NPY2R: variants seen among roughly 807,000 people sequenced by gnomAD.
The protein encoded by NPY2R is neuropeptide Y receptor Y2.
NPY2R carries 17 observed loss-of-function variants against 22.3 expected under a neutral mutation model. The ratio of observed to expected loss-of-function variants is 0.76; its 90% CI spans 0.52 to 1.14. The LOEUF (loss-of-function observed/expected upper bound fraction) is 1.14. Among genes scored for constraint, NPY2R ranks in the 50% most tolerant of loss-of-function variants. The pLI, the probability that NPY2R is intolerant of heterozygous loss-of-function variation, is 0.00. For synonymous variants in NPY2R, 209 were observed against 183.4 expected (o/e 1.14, Z -1.13); for missense variants, 424 against 467.9 (o/e 0.91, Z 0.87).
Position 155,214,082 on chromosome 4 carries a change from AG to A in NPY2R, c.145del (p.Val49TyrfsTer17). On this transcript the variant is annotated frameshift_variant, in exon 2 of 2. Coordinates refer to ENST00000329476, the MANE Select transcript of NPY2R (RefSeq NM_000910.4). LOFTEE classifies it high-confidence loss of function. ...CTTATAGATAGTACCAAGCTGATTG[AG>A]GTACAAGTTGTTCTCATATTGGCCT... Reference protein sequence around the residue: ...PELIDSTKLIEVQVVLILAYC... With the variant: ...PELIDSTKLIXVQVVLILAYC... The A allele has an allele frequency of 1.2e-6, 2 of 1,613,996 alleles. No individual in the cohort carries two copies. Among genetic ancestry groups the A allele is most frequent in the Non-Finnish European group, 1.7e-6 (2 of 1,179,870 alleles).
At chr4:155,198,570 GAT>G in the NPY2R span, among the ~76,000 whole-genome samples, 1 of 144,804 alleles carries the variant, frequency 6.9e-6, no homozygotes, top group East Asian at 2.0e-4. Flanking sequence ...TAATATATTT[GAT>G]ATATATAATA....
the NPY2R span, among the ~76,000 whole-genome samples, chr4:155,175,514 C>T: frequency 6.6e-6 from 1 of 151,884 alleles, no homozygotes; most frequent in Non-Finnish European, 1.5e-5. Context: ...CTTGGTGTTG[C>T]TAAGAAAATG....
At chr4:155,195,452 A>G in the NPY2R span, among the ~76,000 whole-genome samples, 1 of 152,004 alleles carries the variant, frequency 6.6e-6, no homozygotes, top group Non-Finnish European at 1.5e-5. Context: ...CAGGAACACC[A>G]GACAATTTTG....
In NPY2R at chr4:155,214,955, C is replaced by A; in HGVS notation, c.1016C>A (p.Ala339Asp). Residue 339 changes from alanine to aspartate, a missense_variant, in exon 2 of 2, where the codon GCC becomes GAC. Coordinates refer to ENST00000329476, the MANE Select transcript of NPY2R (RefSeq NM_000910.4). Reference protein sequence around the residue: ...NSNYRKAFLSAFRCEQRLDAI... With the variant: ...NSNYRKAFLSDFRCEQRLDAI... ...AACTACAGAAAGGCTTTCCTCTCGG[C>A]CTTCCGCTGTGAGCAGCGGTTGGAT... is the stretch of plus-strand genomic sequence containing the variant. The A allele has an allele frequency of 1.1e-5, 17 of 1,614,228 alleles. No homozygotes were observed. The highest frequency in any genetic ancestry group is 1.4e-5 in the Non-Finnish European group (16 of 1,180,036).
At position 155,216,580 on chromosome 4, in the gene NPY2R, T is replaced by G. The variant is rs1729521555; in HGVS notation, c.*1495T>G. The G allele has an allele frequency of 6.0e-6, 1 of 166,820 alleles. No homozygotes were observed. 10.3% of individuals were successfully genotyped at this position (166,820 alleles called of 1,614,324 possible). A position where few individuals can be genotyped will look rare whatever the true frequency, so the allele number is the denominator to read the frequency against. On this transcript the variant is annotated 3_prime_UTR_variant, in exon 2 of 2. Transcript: ENST00000329476. ...CATTAATTTTATGAACTGGAGAGCT[T>G]TACTTTGTGGATATATTTAAAATTC...
chr4:155,176,820 A>G, the NPY2R span, among the ~76,000 whole-genome samples: 1 of 152,120 alleles, frequency 6.6e-6, no homozygotes, highest in Admixed American at 6.6e-5. Context: ...TGTCCCTTCC[A>G]AAATGGTGCC....
upstream of NPY2R, among the ~76,000 whole-genome samples, chr4:155,203,710 T>C (rs867577018): frequency 6.6e-6 from 1 of 152,206 alleles, no homozygotes; most frequent in Non-Finnish European, 1.5e-5. Flanking sequence ...AAGGCAATTA[T>C]TGAAACTTTA....
Position 155,215,436 on chromosome 4 carries a change from A to G in NPY2R, c.*351A>G. 2.6e-6 allele frequency: 1 copy of G among 382,882 alleles called. No homozygotes were observed. Among genetic ancestry groups the G allele is most frequent in the Non-Finnish European group, 5.2e-6 (1 of 192,148 alleles). The allele number at this position is 382,882 out of a possible 1,614,324, so 23.7% of individuals were successfully genotyped here. A position where few individuals can be genotyped will look rare whatever the true frequency, so the allele number is the denominator to read the frequency against. On this transcript the variant is annotated 3_prime_UTR_variant, in exon 2 of 2. Transcript: ENST00000329476. ...TGAGAGACGGTGGGAAAATAAGTTG[A>G]CTTTCAAATCACGTTAGGACCTGGA...
rs941272069 is a variant in NPY2R, at chr4:155,208,911, C to T, written c.-207C>T. The T allele has an allele frequency of 7.2e-5, 11 of 152,128 alleles. No individual in the cohort carries two copies. Among genetic ancestry groups the T allele is most frequent in the African/African-American group, 2.4e-4 (10 of 41,424 alleles). The allele number at this position is 152,128 out of a possible 1,614,324, so 9.4% of individuals were successfully genotyped here. ...GCTCTGACTGCTCCGGCTGCCCGCC[C>T]GCGCGGCGCGGGCTGTCCTGGACCC... On this transcript the variant is annotated 5_prime_UTR_variant, in exon 1 of 2. Transcript: ENST00000329476. This position sits in a 1 kb window ranked among gnomAD's most constrained non-coding sequence, Gnocchi z 5.6.
the NPY2R span, among the ~76,000 whole-genome samples, chr4:155,181,849 C>T: frequency 6.6e-6 from 1 of 152,086 alleles, no homozygotes; most frequent in African/African-American, 2.4e-5. Flanking sequence ...ATTGGTGGGA[C>T]TAGCACAGAC....
the NPY2R span, among the ~76,000 whole-genome samples, chr4:155,197,471 A>C: frequency 0.051 from 7,759 of 151,206 alleles, 242 homozygotes; most frequent in Middle Eastern, 0.095. Flanking sequence ...CTTCCTTCTT[A>C]CTTTCTTCCC....
chr4:155,178,231 T>C, the NPY2R span, among the ~76,000 whole-genome samples: 1 of 152,164 alleles, frequency 6.6e-6, no homozygotes, highest in Admixed American at 6.5e-5. Flanking sequence ...CCAAGATGAA[T>C]GTCAGGGGAA....
At chr4:155,205,816 T>TCTAA (rs1306669823), upstream of NPY2R, among the ~76,000 whole-genome samples, 1 of 149,602 alleles carries the variant, frequency 6.7e-6, no homozygotes, top group East Asian at 1.9e-4. Context: ...TATCTATCTA[T>TCTAA]CTATCTATCT....
At chr4:155,195,025 T>A in the NPY2R span, among the ~76,000 whole-genome samples, 1 of 152,016 alleles carries the variant, frequency 6.6e-6, no homozygotes, top group Non-Finnish European at 1.5e-5. Context: ...TTTGGTCATG[T>A]GTATGTCTTC....
At chr4:155,185,044 A>ATT in the NPY2R span, among the ~76,000 whole-genome samples, 2 of 140,616 alleles carry the variant, frequency 1.4e-5, no homozygotes, top group Non-Finnish European at 3.1e-5. Context: ...ATATATATAT[A>ATT]TTTTTTTTTT....
At chr4:155,210,162 C>A (rs1729374538) in intron 1 of NPY2R, among the ~76,000 whole-genome samples, 1 of 152,130 alleles carries the variant, frequency 6.6e-6, no homozygotes, top group Non-Finnish European at 1.5e-5. Context: ...ATGGCAACTT[C>A]CTCTGTGTAC....
intron 1 of NPY2R, 149 bp from the exon 2 acceptor site, chr4:155,213,743 G>A: frequency 1.6e-6 from 1 of 608,450 alleles, no homozygotes; most frequent in African/African-American, 1.8e-5. Flanking sequence ...GTTTTGCTAT[G>A]CACAATTTTA....
chr4:155,214,460 G>C lies in NPY2R; in HGVS notation c.521G>C (p.Gly174Ala). 1 of 1,614,054 alleles carries C rather than the reference G, an allele frequency of 6.2e-7. No individual in the cohort carries two copies. Among genetic ancestry groups the C allele is most frequent in the Non-Finnish European group, 8.5e-7 (1 of 1,180,016 alleles). Residue 174 changes from glycine (G) to alanine (A), a missense_variant, in exon 2 of 2, where the codon GGC becomes GCC. Coordinates refer to ENST00000329476, the MANE Select transcript of NPY2R (RefSeq NM_000910.4). ...ISFLIIGLAW[G>A]ISALLASPLA... ...TTCCTGATTATTGGCTTGGCCTGGG[G>C]CATCAGTGCCCTGCTGGCAAGTCCC...
At chr4:155,183,754 A>C in the NPY2R span, among the ~76,000 whole-genome samples, 3 of 152,098 alleles carry the variant, frequency 2.0e-5, no homozygotes, top group Non-Finnish European at 4.4e-5. Flanking sequence ...TGTGGACAAG[A>C]CCTCCTGCTC....
Sources: allele counts gnomAD v4.1 joint callset (sites outside exome capture counted in the v4.1 genomes callset), GRCh38; gene constraint gnomAD v4.1.1; non-coding constraint Gnocchi (gnomAD v3.1); transcripts MANE v1.5; gene names NCBI Gene and HGNC (gene_info 2026-07-23, HGNC 2026-07-21).